Variants in PCDH15 observed in about 807,000 individuals in gnomAD.
The protein encoded by PCDH15 is protocadherin-15.
In PCDH15, 129 loss-of-function variants were observed where a neutral mutation model predicts 178.5. The ratio of observed to expected loss-of-function variants is 0.72; its 90% CI spans 0.63 to 0.84. The LOEUF (loss-of-function observed/expected upper bound fraction) is 0.84, where lower values mean the gene tolerates loss of function less well. Ranked by LOEUF, PCDH15 falls within the 40% of genes least tolerant of loss-of-function variation. PCDH15 has a pLI of 0.00. For synonymous variants in PCDH15, 800 were observed against 732.0 expected (o/e 1.09, Z -1.50); for missense variants, 2,230 against 2,099.9 (o/e 1.06, Z -1.21).
At chr10:55,206,357 T>G (rs929280428) in intron 1 of PCDH15, among the ~76,000 whole-genome samples, 2 of 152,100 alleles carry the variant, frequency 1.3e-5, no homozygotes, top group African/African-American at 4.8e-5. Context: ...TGATAAAAGA[T>G]CACTACTTTT....
rs569336410 is a variant in PCDH15 at position 54,259,217 on chromosome 10, T to C, written c.877-22286A>G. Among the ~76,000 whole-genome samples the C allele has an allele frequency of 7.2e-5, 11 of 152,300 alleles. No homozygotes were observed. The South Asian group carries it at 2.3e-3, about 32-fold the overall frequency. On this transcript the variant is annotated intron_variant, in intron 8 of 37. Coordinates refer to ENST00000644397, the MANE Select transcript of PCDH15 (RefSeq NM_001384140.1). ...GCCTACTCTAAATAAGCCACAGCCT[T>C]GAAAAGAAAATTGCTTTAGACACTG...
chr10:54,297,099 G>A (rs879908035), intron 8 of PCDH15, among the ~76,000 whole-genome samples: 2 of 152,080 alleles, frequency 1.3e-5, no homozygotes, highest in Non-Finnish European at 1.5e-5. Flanking sequence ...AGGGGTTTCT[G>A]CTGCCACGTC....
At position 55,332,940 on chromosome 10, in the gene PCDH15, C is replaced by A. The variant is rs183049207; in HGVS notation, c.-155-166289G>T. On this transcript the variant is annotated intron_variant, in intron 2 of 5. Transcript: ENST00000613346. ...AGCAGCATGAAAACAAACTAATACA[C>A]CTGCTTTTCCTTTATAAGATGTGCA... is the stretch of plus-strand genomic sequence containing the variant. 2.6e-5 allele frequency among the ~76,000 whole-genome samples: 4 copies of A among 152,232 alleles called. No homozygotes were observed. In the East Asian group the frequency reaches 5.8e-4, roughly 22 times the overall value.
intron 26 of PCDH15, among the ~76,000 whole-genome samples, chr10:53,901,687 C>A (rs1026372119): frequency 1.3e-5 from 2 of 152,184 alleles, no homozygotes; most frequent in Non-Finnish European, 2.9e-5. Context: ...TCATTTCCTA[C>A]CAGACTTTTT....
chr10:54,189,473 A>G, intron 11 of PCDH15: 1 of 792,216 alleles, frequency 1.3e-6, no homozygotes, highest in Non-Finnish European at 1.8e-6. Flanking sequence ...CTTCCAGCAC[A>G]CTAGACTGAC....
chr10:55,136,572 T>C (rs1424201563), intron 2 of PCDH15, among the ~76,000 whole-genome samples: 2 of 152,044 alleles, frequency 1.3e-5, no homozygotes, highest in Non-Finnish European at 2.9e-5. Context: ...GAATTGAATA[T>C]AGATCAATCA....
At chr10:54,114,081 AT>A (rs1050495461) in intron 15 of PCDH15, among the ~76,000 whole-genome samples, 1 of 152,194 alleles carries the variant, frequency 6.6e-6, no homozygotes, top group Non-Finnish European at 1.5e-5. Context: ...CGTGGGGATT[AT>A]TACAATTCAA....
chr10:55,235,906 CAAAAAAAAAA>C (rs144784085), intron 1 of PCDH15, among the ~76,000 whole-genome samples: 12 of 115,692 alleles, frequency 1.0e-4, no homozygotes, highest in Admixed American at 3.6e-4. Context: ...GACTCCATGT[CAAAAAAAAAA>C]AAAAAAAAAA....
At chr10:54,227,514 G>A (rs1400547130) in intron 9 of PCDH15, among the ~76,000 whole-genome samples, 3 of 152,188 alleles carry the variant, frequency 2.0e-5, no homozygotes, top group African/African-American at 4.8e-5. Flanking sequence ...CCTCCAGGCT[G>A]GTGGTGGGAG....
intron 20 of PCDH15, among the ~76,000 whole-genome samples, chr10:54,009,502 A>G (rs890186808): frequency 6.6e-6 from 1 of 152,182 alleles, no homozygotes. Context: ...AAAGACAGCG[A>G]AAGAGGTGGG....
chr10:54,559,077 G>T (rs958564116), intron 2 of PCDH15, among the ~76,000 whole-genome samples: 1 of 151,968 alleles, frequency 6.6e-6, no homozygotes, highest in Non-Finnish European at 1.5e-5. Context: ...GAAGACACAC[G>T]AAGGCCTCTG....
chr10:54,567,324 G>T (rs1254807802), intron 2 of PCDH15, among the ~76,000 whole-genome samples: 1 of 152,208 alleles, frequency 6.6e-6, no homozygotes, highest in South Asian at 2.1e-4. Context: ...CAGGGAAGAA[G>T]TTTTTAATTT....
intron 2 of PCDH15, among the ~76,000 whole-genome samples, chr10:55,545,370 G>A (rs937628789): frequency 2.6e-5 from 4 of 151,760 alleles, no homozygotes; most frequent in African/African-American, 9.7e-5. Context: ...CCGCCTCCCG[G>A]GTACAAGTGA....
At chr10:54,703,417 TAGGA>T (rs773165121) in intron 1 of PCDH15, among the ~76,000 whole-genome samples, 1 of 151,786 alleles carries the variant, frequency 6.6e-6, no homozygotes, top group Non-Finnish European at 1.5e-5. Context: ...AATATACAAA[TAGGA>T]AGAGAGGAAG....
intron 1 of PCDH15, among the ~76,000 whole-genome samples, chr10:54,685,743 T>C (rs1045786554): frequency 9.9e-5 from 15 of 152,178 alleles, no homozygotes; most frequent in African/African-American, 3.4e-4. Context: ...ACCTTAACCA[T>C]GCTCAGAACA....
chr10:55,154,032 C>T (rs774569779), intron 2 of PCDH15, among the ~76,000 whole-genome samples: 2 of 152,126 alleles, frequency 1.3e-5, no homozygotes, highest in Non-Finnish European at 2.9e-5. Context: ...TGAGAAATTA[C>T]CATGTACACG....
At position 54,020,370 on chromosome 10, in the gene PCDH15, C is replaced by T. The variant is rs775276705; in HGVS notation, c.2573G>A (p.Ser858Asn). ...TGCAAAAAAGTGCTTCACTTCTGGG[C>T]TTCTTATCCGGTAAGACACATTTGC... ...LGANVSYRIRSPEVKHFFALH... is the reference protein window; with the variant it reads ...LGANVSYRIRNPEVKHFFALH... The change falls in exon 20 of 38, where the codon AGC (serine) becomes AAC (asparagine). Residue 858 changes from serine to asparagine, a missense_variant. Ser to Asn is a conservative substitution (Grantham distance 46). Coordinates refer to ENST00000644397, the MANE Select transcript of PCDH15 (RefSeq NM_001384140.1). 7 of 1,613,668 alleles carry T rather than the reference C, an allele frequency of 4.3e-6. No homozygotes were observed. In the East Asian group the frequency reaches 1.3e-4, roughly 31 times the overall value.
intron 18 of PCDH15, among the ~76,000 whole-genome samples, chr10:54,024,939 GTTTT>G (rs1355534041): frequency 2.0e-5 from 3 of 151,872 alleles, no homozygotes; most frequent in Admixed American, 1.3e-4. Flanking sequence ...ATATAAATAT[GTTTT>G]GTTTCATAAT....
rs144115091 is a variant in PCDH15, at chr10:54,792,094, G to A, written c.-29+8831C>T. 1.6e-3 allele frequency among the ~76,000 whole-genome samples: 239 copies of A among 151,964 alleles called. 3 individuals are homozygous for A. Among genetic ancestry groups the A allele is most frequent in the African/African-American group, 5.2e-3 (215 of 41,514 alleles). ...GAGCCCTCTGGGTTTCCTTATTCTG[G>A]CCCATAATCTGGGGCAGGGCTCCAA... On this transcript the variant is annotated intron_variant, in intron 1 of 37. Transcript: ENST00000644397.
Sources: gnomAD v4.1 joint callset for allele counts (sites outside exome capture counted in the v4.1 genomes callset) on GRCh38, gnomAD v4.1.1 for gene constraint, MANE v1.5 for transcripts, NCBI Gene and HGNC (gene_info 2026-07-23, HGNC 2026-07-21) for gene names.